The following DLEU7 variants were observed in gnomAD, a reference collection of about 807,000 sequenced individuals.
DLEU7 encodes the protein deleted in lymphocytic leukemia 7.
In DLEU7, 17 loss-of-function variants were observed where a neutral mutation model predicts 16.0. That is an observed-to-expected ratio of 1.06 (90% CI 0.73 to 1.59). DLEU7 has a LOEUF of 1.59. Ranked by LOEUF, DLEU7 falls within the 40% of genes most tolerant of loss-of-function variation. The pLI is 0.00. For synonymous variants in DLEU7, 113 were observed against 139.8 expected (o/e 0.81, Z 1.35); for missense variants, 308 against 314.9 (o/e 0.98, Z 0.17).
chr13:50,728,714 C>A (rs1873832894), intron 1 of DLEU7, among the ~76,000 whole-genome samples: 1 of 151,980 alleles, frequency 6.6e-6, no homozygotes, highest in Non-Finnish European at 1.5e-5. Flanking sequence ...TGTTTGTTTT[C>A]TCAGATTCAT....
At chr13:50,835,131 G>A (rs1031948678) in intron 1 of DLEU7, among the ~76,000 whole-genome samples, 2 of 152,084 alleles carry the variant, frequency 1.3e-5, no homozygotes, top group Admixed American at 6.5e-5. Flanking sequence ...ACCATGGCAC[G>A]TGTATACCTA....
At chr13:50,734,834 A>G (rs1874018932) in intron 1 of DLEU7, among the ~76,000 whole-genome samples, 1 of 152,188 alleles carries the variant, frequency 6.6e-6, no homozygotes, top group Non-Finnish European at 1.5e-5. Flanking sequence ...GGAGAAATAT[A>G]TAGTTTTACA....
At chr13:50,720,485 C>T (rs1404166924) in intron 1 of DLEU7, among the ~76,000 whole-genome samples, 1 of 152,228 alleles carries the variant, frequency 6.6e-6, no homozygotes. Flanking sequence ...CACCACTAAA[C>T]TGCAACATGC....
chr13:50,772,345 A>G (rs1875343454), intron 1 of DLEU7, among the ~76,000 whole-genome samples: 1 of 152,150 alleles, frequency 6.6e-6, no homozygotes, highest in South Asian at 2.1e-4. Flanking sequence ...TAGTTGATGC[A>G]GTTTCTTCCT....
At chr13:50,768,648 T>C (rs1593388040) in intron 1 of DLEU7, among the ~76,000 whole-genome samples, 1 of 152,204 alleles carries the variant, frequency 6.6e-6, no homozygotes, top group Admixed American at 6.5e-5. Flanking sequence ...TAGTCCATAG[T>C]ATATATGTGC....
At chr13:50,822,472 G>A (rs957004684), downstream of DLEU7, among the ~76,000 whole-genome samples, 5 of 148,018 alleles carry the variant, frequency 3.4e-5, no homozygotes, top group Non-Finnish European at 7.4e-5. Context: ...TAGTTTTTCC[G>A]AAGTATGTGT....
intron 1 of DLEU7, among the ~76,000 whole-genome samples, chr13:50,765,533 T>C (rs1875076856): frequency 6.6e-6 from 1 of 151,974 alleles, no homozygotes; most frequent in African/African-American, 2.4e-5. Flanking sequence ...AACTTGGTCC[T>C]CTTCTGGCAA....
intron 1 of DLEU7, among the ~76,000 whole-genome samples, chr13:50,840,881 A>G (rs1877635223): frequency 6.6e-6 from 1 of 152,148 alleles, no homozygotes; most frequent in Non-Finnish European, 1.5e-5. Flanking sequence ...ACTGGCCTCT[A>G]TTTTCTCAGA....
chr13:50,832,087 G>A (rs1158150146), intron 1 of DLEU7, among the ~76,000 whole-genome samples: 1 of 152,162 alleles, frequency 6.6e-6, no homozygotes. Context: ...ACCTCTGGTG[G>A]AATTCAACTG....
At chr13:50,735,580 T>C (rs909578884) in intron 1 of DLEU7, among the ~76,000 whole-genome samples, 22 of 151,718 alleles carry the variant, frequency 1.5e-4, no homozygotes, top group African/African-American at 4.8e-4. Context: ...ATAGAAAATA[T>C]ATGAAAAAAT....
At chr13:50,820,635 A>G (rs1876874652), downstream of DLEU7, among the ~76,000 whole-genome samples, 1 of 152,180 alleles carries the variant, frequency 6.6e-6, no homozygotes, top group Non-Finnish European at 1.5e-5. Flanking sequence ...GAATGAGAAG[A>G]GTAAACAAGG....
intron 1 of DLEU7, among the ~76,000 whole-genome samples, chr13:50,824,108 A>T (rs1877007017): frequency 6.6e-6 from 1 of 152,204 alleles, no homozygotes; most frequent in Admixed American, 6.6e-5. Flanking sequence ...TGTTTCTATT[A>T]TCCCATACTC....
At chr13:50,822,527 T>C (rs1593410138), downstream of DLEU7, 1 of 670,590 alleles carries the variant, frequency 1.5e-6, no homozygotes. Context: ...TCTTCCCGGC[T>C]CTAAACGGTT....
At chr13:50,805,526 C>G (rs1205847611) in intron 1 of DLEU7, among the ~76,000 whole-genome samples, 1 of 148,452 alleles carries the variant, frequency 6.7e-6, no homozygotes, top group Non-Finnish European at 1.5e-5. Context: ...TTCAAGAACA[C>G]CAATTATGCA....
intron 1 of DLEU7, among the ~76,000 whole-genome samples, chr13:50,814,614 G>T (rs1876667855): frequency 6.6e-6 from 1 of 150,948 alleles, no homozygotes; most frequent in African/African-American, 2.4e-5. Flanking sequence ...CATGGCTGTG[G>T]GGAATCAAGG....
intron 1 of DLEU7, among the ~76,000 whole-genome samples, chr13:50,752,702 G>A (rs1056822236): frequency 6.6e-6 from 1 of 152,046 alleles, no homozygotes. Flanking sequence ...GTGGGTTCGT[G>A]GTCTCGCTGG....
chr13:50,754,683 T>C (rs1370181760), intron 1 of DLEU7, among the ~76,000 whole-genome samples: 1 of 152,232 alleles, frequency 6.6e-6, no homozygotes, highest in Non-Finnish European at 1.5e-5. Flanking sequence ...AGTGTTAGTA[T>C]TGAGATATGA....
chr13:50,788,877 A>G (rs1447841750), intron 1 of DLEU7, among the ~76,000 whole-genome samples: 2 of 152,156 alleles, frequency 1.3e-5, no homozygotes, highest in Non-Finnish European at 2.9e-5. Flanking sequence ...CTGTGAAAGT[A>G]GCCACCACAC....
At chr13:50,819,965 G>A (rs749406495), downstream of DLEU7, among the ~76,000 whole-genome samples, 8 of 152,124 alleles carry the variant, frequency 5.3e-5, no homozygotes, top group Admixed American at 5.2e-4. Context: ...GAAATCAAGA[G>A]ATGTGGAAGA....
Sources: gnomAD v4.1 joint callset for allele counts (sites outside exome capture counted in the v4.1 genomes callset) on GRCh38, gnomAD v4.1.1 for gene constraint, MANE v1.5 for transcripts, NCBI Gene and HGNC (gene_info 2026-07-23, HGNC 2026-07-21) for gene names.